SLC35F2: variants seen among roughly 807,000 people sequenced by gnomAD.
SLC35F2 encodes solute carrier family 35 member F2.
SLC35F2 carries 25 observed loss-of-function variants against 38.1 expected under a neutral mutation model. That is an observed-to-expected ratio of 0.66 (90% CI 0.48 to 0.92). The LOEUF (loss-of-function observed/expected upper bound fraction) is 0.92, where lower values mean the gene tolerates loss of function less well. Ranked by LOEUF, SLC35F2 falls within the 40% of genes least tolerant of loss-of-function variation. The pLI is 0.00. For synonymous variants in SLC35F2, 173 were observed against 181.7 expected (o/e 0.95, Z 0.38); for missense variants, 409 against 452.9 (o/e 0.90, Z 0.88).
At chr11:107,816,267 CGT>C (rs72313181) in intron 1 of SLC35F2, 384,786 of 935,606 alleles carry the variant, frequency 0.41, 74,064 homozygotes, top group South Asian at 0.49. Context: ...AAAGTGCGCA[CGT>C]GTGTGTGTGT....
At chr11:107,824,972 G>A (rs1444326281) in intron 1 of SLC35F2, among the ~76,000 whole-genome samples, 1 of 152,212 alleles carries the variant, frequency 6.6e-6, no homozygotes, top group Non-Finnish European at 1.5e-5. Flanking sequence ...TAATGTGAAT[G>A]AGGAATTGAA....
intron 1 of SLC35F2, among the ~76,000 whole-genome samples, chr11:107,853,720 A>C (rs1180680724): frequency 2.0e-5 from 1 of 50,570 alleles, no homozygotes; most frequent in Admixed American, 2.7e-4. Context: ...ACTCCGTCTC[A>C]AAAAAAAAAA....
At chr11:107,793,148 C>G (rs1859161213) in intron 7 of SLC35F2, among the ~76,000 whole-genome samples, 2 of 152,196 alleles carry the variant, frequency 1.3e-5, no homozygotes, top group South Asian at 4.1e-4. Flanking sequence ...AACACCTGAG[C>G]TCAAGCAATC....
At chr11:107,823,926 C>CAAAAAAAAAAAAAAAAAGAAA (rs1859714624) in intron 1 of SLC35F2, 1 of 604,134 alleles carries the variant, frequency 1.7e-6, no homozygotes. Context: ...AAGACAGTCT[C>CAAAAAAAAAAAAAAAAAGAAA]AAAAAAAAAA....
chr11:107,822,668 C>A (rs899146323), intron 1 of SLC35F2, among the ~76,000 whole-genome samples: 7 of 152,096 alleles, frequency 4.6e-5, no homozygotes, highest in Admixed American at 1.3e-4. Context: ...TAGTGCCTGG[C>A]AAATAGGGTA....
At chr11:107,802,259 A>AATAAATAAATAAAT (rs1316212280) in intron 7 of SLC35F2, among the ~76,000 whole-genome samples, 5 of 151,690 alleles carry the variant, frequency 3.3e-5, no homozygotes, top group African/African-American at 1.2e-4. Flanking sequence ...ATAAATAATA[A>AATAAATAAATAAAT]AATAAAATAA....
chr11:107,853,586 G>C (rs554632040), intron 1 of SLC35F2, among the ~76,000 whole-genome samples: 9 of 151,988 alleles, frequency 5.9e-5, no homozygotes, highest in Admixed American at 2.0e-4. Flanking sequence ...CGGGCGTGGT[G>C]GTGGGCGCCT....
intron 2 of SLC35F2, among the ~76,000 whole-genome samples, chr11:107,813,275 T>C (rs940022684): frequency 6.6e-6 from 1 of 152,144 alleles, no homozygotes; most frequent in Non-Finnish European, 1.5e-5. Flanking sequence ...AGAAACCCCA[T>C]CTCTATTAAA....
chr11:107,796,384 C>T (rs575276047), intron 7 of SLC35F2, among the ~76,000 whole-genome samples: 9 of 152,118 alleles, frequency 5.9e-5, no homozygotes, highest in African/African-American at 1.2e-4. Context: ...CCTAACTGTC[C>T]GTCAGTGGAC....
chr11:107,817,877 G>T lies in SLC35F2; in HGVS notation c.111-1912C>A, dbSNP rs1314791061. ...GTTCGAGACCAGCCTAACCAACATG[G>T]TCAAACCCCATCTCTACTAAAAATA... On this transcript the variant is annotated intron_variant, in intron 1 of 7. Transcript: ENST00000525815. 2.6e-5 allele frequency among the ~76,000 whole-genome samples: 4 copies of T among 151,160 alleles called. 1 individual carries two copies. Among genetic ancestry groups the T allele is most frequent in the African/African-American group, 9.7e-5 (4 of 41,052 alleles).
At chr11:107,809,640 A>G in intron 3 of SLC35F2, 1 of 976,348 alleles carries the variant, frequency 1.0e-6, no homozygotes. Context: ...TCAGAAAAAA[A>G]AAAAGTATTC....
intron 1 of SLC35F2, among the ~76,000 whole-genome samples, chr11:107,844,536 C>T (rs1256320925): frequency 7.1e-6 from 1 of 139,972 alleles, no homozygotes; most frequent in Non-Finnish European, 1.6e-5. Context: ...GAAGCAGAAT[C>T]GCTTGAACCC....
chr11:107,802,687 T>C (rs1201637756), intron 7 of SLC35F2, among the ~76,000 whole-genome samples: 1 of 152,226 alleles, frequency 6.6e-6, no homozygotes, highest in Non-Finnish European at 1.5e-5. Context: ...ACACTGTCCC[T>C]CAAGGTCAAC....
chr11:107,792,950 T>G, intron 7 of SLC35F2, 150 bp from the exon 8 acceptor site: 1 of 1,328,248 alleles, frequency 7.5e-7, no homozygotes. Context: ...AGGGTCTCGC[T>G]CTGTGGCCCA....
intron 7 of SLC35F2, among the ~76,000 whole-genome samples, chr11:107,793,371 C>T (rs1859164370): frequency 6.6e-6 from 1 of 152,186 alleles, no homozygotes; most frequent in Non-Finnish European, 1.5e-5. Flanking sequence ...TTGCTTTTCT[C>T]TGTCATAATC....
intron 1 of SLC35F2, among the ~76,000 whole-genome samples, chr11:107,838,994 T>C (rs1382872472): frequency 6.6e-6 from 1 of 152,200 alleles, no homozygotes; most frequent in Non-Finnish European, 1.5e-5. Context: ...CATTATACTG[T>C]TGAAAAATAG....
chr11:107,842,876 T>A (rs1233824138), intron 1 of SLC35F2, among the ~76,000 whole-genome samples: 1 of 151,946 alleles, frequency 6.6e-6, no homozygotes, highest in African/African-American at 2.4e-5. Flanking sequence ...TCTAGAAGTC[T>A]GTATACAATA....
chr11:107,792,714 C>A lies in SLC35F2; in HGVS notation c.1026G>T (p.Pro342=). 1.2e-6 allele frequency: 2 copies of A among 1,613,958 alleles called. No individual in the cohort carries two copies. The highest frequency in any genetic ancestry group is 1.7e-6 in the Non-Finnish European group (2 of 1,179,966). The change falls in exon 8 of 8, where the codon CCG becomes CCT. Residue 342 remains proline, a synonymous_variant. Coordinates refer to ENST00000525815, the MANE Select transcript of SLC35F2 (RefSeq NM_017515.5). ...YCSTPTRTAE[P]AESSVPPVTS... The stretch of plus-strand genomic sequence containing the variant: ...TGACTGGAGGCACGCTGCTTTCAGC[C>A]GGCTCGGCCGTGCGAGTAGGGGTGG...
intron 5 of SLC35F2, 37 bp from the exon 6 acceptor site, chr11:107,804,807 T>C (rs200799404): frequency 2.6e-6 from 4 of 1,528,716 alleles, no homozygotes. Context: ...GAGGTCCACA[T>C]ACTAATTTTC....
Sources: allele counts gnomAD v4.1 joint callset (sites outside exome capture counted in the v4.1 genomes callset), GRCh38; gene constraint gnomAD v4.1.1; transcripts MANE v1.5; gene names NCBI Gene and HGNC (gene_info 2026-07-23, HGNC 2026-07-21).